The following CD5 variants were observed in gnomAD, a reference collection of about 807,000 sequenced individuals.
CD5 encodes CD5 molecule, also known as T-cell surface glycoprotein CD5.
In CD5, 36 loss-of-function variants were observed where a neutral mutation model predicts 60.3. The observed-to-expected ratio is 0.60, with a 90% confidence interval of 0.46 to 0.79. The LOEUF (loss-of-function observed/expected upper bound fraction) is 0.79, where lower values mean the gene tolerates loss of function less well. Ranked by LOEUF, CD5 falls within the 30% of genes least tolerant of loss-of-function variation. CD5 has a pLI of 0.00. For missense variants in CD5, 540 were observed against 630.6 expected (o/e 0.86, Z 1.54); for synonymous variants, 230 against 257.6 (o/e 0.89, Z 1.03).
At chr11:61,099,728 C>T (rs1274283912), upstream of CD5, among the ~76,000 whole-genome samples, 1 of 150,126 alleles carries the variant, frequency 6.7e-6, no homozygotes, top group Admixed American at 6.6e-5. Context: ...ACATGGAGAT[C>T]ACATTCACAC....
chr11:61,103,278 C>T (rs1590764761), intron 1 of CD5, among the ~76,000 whole-genome samples: 1 of 152,224 alleles, frequency 6.6e-6, no homozygotes, highest in South Asian at 2.1e-4. Flanking sequence ...TCGGATAGGT[C>T]CCCAAGCCTC....
At chr11:61,111,338 G>A (rs1392222823) in intron 1 of CD5, among the ~76,000 whole-genome samples, 1 of 152,164 alleles carries the variant, frequency 6.6e-6, no homozygotes, top group African/African-American at 2.4e-5. Flanking sequence ...CATATTACCC[G>A]GGACAGGGCA....
intron 1 of CD5, among the ~76,000 whole-genome samples, chr11:61,107,974 A>G (rs1199381471): frequency 1.7e-4 from 26 of 152,122 alleles, no homozygotes; most frequent in Non-Finnish European, 1.2e-4. Context: ...TCCCTGGGGT[A>G]GACTCCCACA....
chr11:61,121,270 C>G (rs752265400), intron 5 of CD5, among the ~76,000 whole-genome samples: 1 of 152,210 alleles, frequency 6.6e-6, no homozygotes, highest in Admixed American at 6.5e-5. Context: ...CTAGGTGGAG[C>G]CTATTTCCCA....
intron 1 of CD5, among the ~76,000 whole-genome samples, chr11:61,105,295 G>A (rs1278474509): frequency 6.6e-6 from 1 of 152,210 alleles, no homozygotes; most frequent in African/African-American, 2.4e-5. Flanking sequence ...TAGCCGATGC[G>A]ACTCTGAAAG....
chr11:61,119,481 G>A lies in CD5; in HGVS notation c.711G>A (p.Trp237Ter), dbSNP rs1861022316. 7.4e-6 allele frequency: 12 copies of A among 1,614,156 alleles called. No homozygotes were observed. Among genetic ancestry groups the A allele is most frequent in the Non-Finnish European group, 9.3e-6 (11 of 1,180,046 alleles). ...AACACCAGCCCTTGCCAATCCAATG[G>A]AAGATCCAGAACTCAAGCTGTACCT... is the stretch of plus-strand genomic sequence containing the variant. Reference protein sequence around the residue: ...PREHQPLPIQWKIQNSSCTSL... With the variant: ...PREHQPLPIQ Residue 237 changes from tryptophan (W) to a stop codon, truncating the protein, a stop_gained, in exon 5 of 11, where the codon TGG becomes TGA. Coordinates refer to ENST00000347785, the MANE Select transcript of CD5 (RefSeq NM_014207.4). LOFTEE classifies it high-confidence loss of function.
chr11:61,119,727 A>G (rs1170582865), intron 5 of CD5, 152 bp downstream of exon 5: 4 of 629,058 alleles, frequency 6.4e-6, no homozygotes, highest in Non-Finnish European at 1.1e-5. Flanking sequence ...CTAAGAGGTA[A>G]CAAGGGTTGG....
Position 61,118,418 on chromosome 11 carries a change from CCTT to C in CD5, c.341_343del (p.Phe114del). On this transcript the variant is annotated inframe_deletion, in exon 3 of 11. Coordinates refer to ENST00000347785, the MANE Select transcript of CD5 (RefSeq NM_014207.4). This position sits in a 1 kb window ranked among gnomAD's most constrained non-coding sequence, Gnocchi z 4.7. ...ATCATCTGCTACGGACAACTGGGCT[CCTT>C]CTCCAACTGCAGCCACAGCAGAAAT... 6.2e-7 allele frequency: 1 copy of C among 1,614,272 alleles called. No homozygotes were observed. Among genetic ancestry groups the C allele is most frequent in the Non-Finnish European group, 8.5e-7 (1 of 1,180,054 alleles).
chr11:61,111,529 T>C (rs1380746445), intron 1 of CD5, among the ~76,000 whole-genome samples: 2 of 152,332 alleles, frequency 1.3e-5, no homozygotes, highest in East Asian at 1.9e-4. Context: ...GAAATAGAGA[T>C]GCTCCTTGAC....
At chr11:61,101,428 T>C (rs1258045162), upstream of CD5, among the ~76,000 whole-genome samples, 3 of 122,508 alleles carry the variant, frequency 2.4e-5, no homozygotes, top group Non-Finnish European at 4.9e-5. Context: ...TTCACACACA[T>C]CAACATGGAG....
chr11:61,095,350 G>T, the CD5 span, among the ~76,000 whole-genome samples: 2 of 152,194 alleles, frequency 1.3e-5, no homozygotes, highest in Non-Finnish European at 2.9e-5. Flanking sequence ...GATGAGGACG[G>T]ACACATGGTG....
intron 7 of CD5, 145 bp downstream of exon 7, chr11:61,123,177 T>C: frequency 1.1e-6 from 1 of 935,360 alleles, no homozygotes; most frequent in Non-Finnish European, 1.5e-6. Context: ...TCCCCTCTCC[T>C]GCCCATTAGC....
At chr11:61,114,976 C>A in intron 1 of CD5, 80 bp from the exon 2 acceptor site, 1 of 1,384,304 alleles carries the variant, frequency 7.2e-7, no homozygotes, top group South Asian at 1.3e-5. Context: ...GGCCATTGCT[C>A]GGGCTGTGGG....
chr11:61,116,820 CAT>C (rs971903561), intron 2 of CD5, among the ~76,000 whole-genome samples: 8 of 145,870 alleles, frequency 5.5e-5, no homozygotes, highest in Non-Finnish European at 1.1e-4. Context: ...ACCACACACA[CAT>C]ACAACACACA....
intron 1 of CD5, among the ~76,000 whole-genome samples, chr11:61,110,404 C>A (rs1179571190): frequency 6.6e-6 from 1 of 152,206 alleles, no homozygotes; most frequent in Non-Finnish European, 1.5e-5. Flanking sequence ...ACTGTGGAAT[C>A]TAACTTCCTT....
At chr11:61,099,775 G>A (rs1468696770), upstream of CD5, among the ~76,000 whole-genome samples, 1 of 150,000 alleles carries the variant, frequency 6.7e-6, no homozygotes, top group Non-Finnish European at 1.5e-5. Flanking sequence ...ACACAAACAT[G>A]GAGATCACAC....
In CD5 at chr11:61,118,428, C is replaced by A; in HGVS notation, c.348C>A (p.Asn116Lys). 1 of 1,614,282 alleles carries A rather than the reference C, an allele frequency of 6.2e-7. No individual in the cohort carries two copies. Among genetic ancestry groups the A allele is most frequent in the Non-Finnish European group, 8.5e-7 (1 of 1,180,048 alleles). The change falls in exon 3 of 11, where the codon AAC becomes AAA. Residue 116 changes from asparagine (N) to lysine (K), a missense_variant. Asn to Lys is a moderately conservative substitution (Grantham distance 94). Coordinates refer to ENST00000347785, the MANE Select transcript of CD5 (RefSeq NM_014207.4). This position sits in a 1 kb window ranked among gnomAD's most constrained non-coding sequence, Gnocchi z 4.7. The stretch of plus-strand genomic sequence containing the variant: ...ACGGACAACTGGGCTCCTTCTCCAA[C>A]TGCAGCCACAGCAGAAATGACATGT... ...ICYGQLGSFS[N>K]CSHSRNDMCH...
chr11:61,125,165 G>T lies in CD5; in HGVS notation c.1399+14G>T, dbSNP rs2134614128. On this transcript the variant is annotated intron_variant, in intron 9 of 10. Coordinates refer to ENST00000347785, the MANE Select transcript of CD5 (RefSeq NM_014207.4). The stretch of plus-strand genomic sequence containing the variant: ...CAGCTTATCCAGGTAAGCACCAGCG[G>T]GTGCTCCCAGGCACGCAGGCAGGGC... The T allele has an allele frequency of 6.2e-7, 1 of 1,613,780 alleles. No individual in the cohort carries two copies. The highest frequency in any genetic ancestry group is 8.5e-7 in the Non-Finnish European group (1 of 1,179,788).
At chr11:61,100,920 TCACACACACACA>T (rs1565181181), upstream of CD5, among the ~76,000 whole-genome samples, 19 of 105,046 alleles carry the variant, frequency 1.8e-4, no homozygotes, top group African/African-American at 6.8e-4. Context: ...AACATGGAGA[TCACACACACACA>T]TCAACATGGA....
Sources: gnomAD v4.1 joint callset for allele counts (sites outside exome capture counted in the v4.1 genomes callset) on GRCh38, gnomAD v4.1.1 for gene constraint, Gnocchi (gnomAD v3.1) non-coding constraint, MANE v1.5 for transcripts, NCBI Gene and HGNC (gene_info 2026-07-23, HGNC 2026-07-21) for gene names.